The following KLF8 variants were observed in gnomAD, a reference collection of about 807,000 sequenced individuals.
The protein encoded by KLF8 is KLF transcription factor 8, also known as Krueppel-like factor 8.
In KLF8, 10 loss-of-function variants were observed where a neutral mutation model predicts 18.2. The observed-to-expected ratio is 0.55, with a 90% CI of 0.34 to 0.93. The LOEUF (loss-of-function observed/expected upper bound fraction) is 0.93. Among genes scored for constraint, KLF8 ranks in the 40% least tolerant of loss-of-function variants. The pLI is 0.02. For missense variants in KLF8, 264 were observed against 277.9 expected, an observed-to-expected ratio of 0.95 and a Z score of 0.36; for synonymous variants, 109 against 97.3, an observed-to-expected ratio of 1.12 and a Z score of -0.71.
chrX:55,981,004 C>A, the KLF8 span, among the ~76,000 whole-genome samples: 1 of 111,593 alleles, frequency 9.0e-6, no homozygotes, highest in African/African-American at 3.3e-5. Context: ...ACCAGCCTGG[C>A]CAACATGGTG....
At chrX:56,138,081 T>G in the KLF8 span, among the ~76,000 whole-genome samples, 1 of 97,714 alleles carries the variant, frequency 1.0e-5, no homozygotes, top group Non-Finnish European at 2.0e-5. Context: ...CAGAGACTAT[T>G]ATGAGCACAT....
the KLF8 span, among the ~76,000 whole-genome samples, chrX:56,208,488 C>T: frequency 9.0e-6 from 1 of 110,623 alleles, no homozygotes; most frequent in African/African-American, 3.3e-5. Context: ...TGCTCTAATC[C>T]TTATTTTTTT....
chrX:55,958,626 C>T, the KLF8 span, among the ~76,000 whole-genome samples: 1,099 of 111,626 alleles, frequency 9.8e-3, 33 homozygotes, highest in Admixed American at 0.065. Flanking sequence ...ATCAGAATGC[C>T]CTGCCTGGTG....
At chrX:56,065,292 G>GT in the KLF8 span, among the ~76,000 whole-genome samples, 4 of 110,353 alleles carry the variant, frequency 3.6e-5, no homozygotes, top group Non-Finnish European at 7.6e-5. Context: ...ATTTTTTCCT[G>GT]TTTTTTTCTG....
the KLF8 span, among the ~76,000 whole-genome samples, chrX:56,110,357 G>T: frequency 1.8e-5 from 2 of 111,057 alleles, no homozygotes; most frequent in Non-Finnish European, 3.8e-5. Flanking sequence ...CAAGTCTTTT[G>T]TCTCTAACCT....
the KLF8 span, among the ~76,000 whole-genome samples, chrX:56,175,252 C>G: frequency 1.8e-5 from 2 of 112,008 alleles, no homozygotes; most frequent in African/African-American, 3.2e-5. Flanking sequence ...AAATTTCCCT[C>G]TACACACTGC....
the KLF8 span, among the ~76,000 whole-genome samples, chrX:55,999,467 A>G: frequency 1.9e-5 from 2 of 107,986 alleles, no homozygotes; most frequent in Admixed American, 9.9e-5. Context: ...CCAATCTATG[A>G]CCATGGATTG....
At chrX:56,154,443 A>C in the KLF8 span, among the ~76,000 whole-genome samples, 1 of 111,991 alleles carries the variant, frequency 8.9e-6, no homozygotes, top group Non-Finnish European at 1.9e-5. Flanking sequence ...CACCTTATAC[A>C]AAAATTAATT....
chrX:56,075,159 T>C, the KLF8 span, among the ~76,000 whole-genome samples: 3 of 110,905 alleles, frequency 2.7e-5, no homozygotes, highest in Non-Finnish European at 5.7e-5. Flanking sequence ...CTTTCATTTC[T>C]TTTGTTAAAT....
the KLF8 span, among the ~76,000 whole-genome samples, chrX:56,155,941 A>G: frequency 8.0e-5 from 9 of 112,053 alleles, no homozygotes; most frequent in Non-Finnish European, 1.3e-4. Context: ...TAATTTGCTT[A>G]AGATTATGGC....
the KLF8 span, among the ~76,000 whole-genome samples, chrX:55,969,538 A>T: frequency 1.8e-5 from 2 of 111,774 alleles, no homozygotes; most frequent in Non-Finnish European, 3.8e-5. Flanking sequence ...TGCATCTTGA[A>T]GAACTAGGAG....
the KLF8 span, among the ~76,000 whole-genome samples, chrX:55,986,850 G>C: frequency 9.0e-6 from 1 of 111,428 alleles, no homozygotes; most frequent in East Asian, 2.8e-4. Flanking sequence ...TCTTCTCCCA[G>C]CCATCACTCT....
the KLF8 span, among the ~76,000 whole-genome samples, chrX:56,072,564 T>C: frequency 8.9e-6 from 1 of 111,910 alleles, no homozygotes; most frequent in Non-Finnish European, 1.9e-5. Flanking sequence ...TCTTGGGCGA[T>C]ATATTTACGC....
intron 2 of KLF8, among the ~76,000 whole-genome samples, chrX:56,253,764 C>CTTTTTTTTTTTTTTTTTTTTTTTTGTT (rs60291877): frequency 1.7e-5 from 1 of 60,115 alleles, no homozygotes; most frequent in Non-Finnish European, 3.0e-5. Flanking sequence ...TTTTCTTTTT[C>CTTTTTTTTTTTTTTTTTTTTTTTTGTT]TTTTTTTTTT....
At chrX:56,220,431 G>A in the KLF8 span, among the ~76,000 whole-genome samples, 6 of 111,995 alleles carry the variant, frequency 5.4e-5, no homozygotes, top group African/African-American at 1.6e-4. Flanking sequence ...AGAACCATAA[G>A]ATACTGAAGT....
chrX:56,133,921 GC>G, the KLF8 span, among the ~76,000 whole-genome samples: 27 of 44,895 alleles, frequency 6.0e-4, no homozygotes, highest in East Asian at 6.9e-4. Context: ...TACAATATCT[GC>G]AAAAAAAAAA....
At chrX:56,049,424 A>G in the KLF8 span, among the ~76,000 whole-genome samples, 1 of 110,727 alleles carries the variant, frequency 9.0e-6, no homozygotes, top group Non-Finnish European at 1.9e-5. Context: ...AGCTCTTATT[A>G]TTTTGAAATA....
At chrX:56,219,082 A>G in the KLF8 span, among the ~76,000 whole-genome samples, 1 of 112,426 alleles carries the variant, frequency 8.9e-6, no homozygotes, top group Non-Finnish European at 1.9e-5. Flanking sequence ...ATTCTTATAT[A>G]TAAATATAAA....
the KLF8 span, among the ~76,000 whole-genome samples, chrX:55,911,163 A>G: frequency 8.9e-6 from 1 of 112,231 alleles, no homozygotes; most frequent in Non-Finnish European, 1.9e-5. Context: ...AAATATATCT[A>G]CTATTCATTA....
Sources: allele counts gnomAD v4.1 joint callset (sites outside exome capture counted in the v4.1 genomes callset), GRCh38; gene constraint gnomAD v4.1.1; transcripts MANE v1.5; gene names NCBI Gene and HGNC (gene_info 2026-07-23, HGNC 2026-07-21).